MAML2: variants seen among roughly 807,000 people sequenced by gnomAD.
The protein encoded by MAML2 is mastermind like transcriptional coactivator 2.
MAML2 carries 22 observed loss-of-function variants against 96.1 expected under a neutral mutation model. The ratio of observed to expected loss-of-function variants is 0.23; its 90% CI spans 0.16 to 0.33. The LOEUF is 0.33. Ranked by LOEUF, MAML2 falls within the 10% of genes least tolerant of loss-of-function variation. MAML2 has a pLI of 1.00. For synonymous variants in MAML2, 561 were observed against 521.3 expected (o/e 1.08, Z -1.04); for missense variants, 1,367 against 1,392.4 (o/e 0.98, Z 0.29).
Position 96,287,601 on chromosome 11 carries a change from A to G in MAML2, c.513+53782T>C, listed in dbSNP as rs12416767. On this transcript the variant is annotated intron_variant, in intron 1 of 4. Coordinates refer to ENST00000524717, the MANE Select transcript of MAML2 (RefSeq NM_032427.4). Reference sequence around the variant, plus strand: ...CTTGTCTTTAGTTTTAAAAAAATTAAGAGTAGAATTGGTAAATACAATATT... The same window carrying G: ...CTTGTCTTTAGTTTTAAAAAAATTAGGAGTAGAATTGGTAAATACAATATT... Among the ~76,000 whole-genome samples, 573 of 152,340 alleles carry G rather than the reference A, an allele frequency of 3.8e-3. 9 individuals carry two copies. The highest frequency in any genetic ancestry group is 0.033 in the Admixed American group (503 of 15,296).
At chr11:96,047,118 G>A (rs1235999538) in intron 2 of MAML2, among the ~76,000 whole-genome samples, 1 of 152,032 alleles carries the variant, frequency 6.6e-6, no homozygotes, top group Non-Finnish European at 1.5e-5. Flanking sequence ...GTTGTTCCTG[G>A]CCACTCAGTT....
intron 1 of MAML2, among the ~76,000 whole-genome samples, chr11:96,323,973 G>A (rs1033216576): frequency 6.6e-6 from 1 of 152,230 alleles, no homozygotes; most frequent in African/African-American, 2.4e-5. Context: ...GTCTCAAAGA[G>A]TAATCTGTGG....
intron 2 of MAML2, among the ~76,000 whole-genome samples, chr11:95,993,082 A>T (rs1197993282): frequency 1.3e-5 from 2 of 149,144 alleles, no homozygotes; most frequent in Non-Finnish European, 3.0e-5. Flanking sequence ...GCTAATTTTT[A>T]AATTTTTTTT....
At chr11:96,175,582 CTTTTG>C (rs1345547394) in intron 1 of MAML2, among the ~76,000 whole-genome samples, 2 of 152,034 alleles carry the variant, frequency 1.3e-5, no homozygotes, top group East Asian at 1.9e-4. Context: ...AATCTCAGTT[CTTTTG>C]TTTTGTTTTG....
chr11:96,054,582 CAG>C (rs1040252810), intron 2 of MAML2, among the ~76,000 whole-genome samples: 5 of 152,086 alleles, frequency 3.3e-5, no homozygotes, highest in African/African-American at 1.2e-4. Flanking sequence ...AAGGGTCCCT[CAG>C]AGAGAGAGAA....
At chr11:96,059,000 T>C (rs1859113313) in intron 2 of MAML2, among the ~76,000 whole-genome samples, 2 of 152,168 alleles carry the variant, frequency 1.3e-5, no homozygotes. Flanking sequence ...GAGAATTGCT[T>C]GAACCCGGGA....
intron 2 of MAML2, among the ~76,000 whole-genome samples, chr11:96,018,284 T>C (rs1304033878): frequency 1.3e-5 from 2 of 152,138 alleles, no homozygotes; most frequent in Non-Finnish European, 2.9e-5. Context: ...TTTGAGATGC[T>C]TATTACACAT....
intron 1 of MAML2, among the ~76,000 whole-genome samples, chr11:96,326,532 C>G (rs1378131594): frequency 6.6e-6 from 1 of 152,088 alleles, no homozygotes; most frequent in Non-Finnish European, 1.5e-5. Context: ...TGCGGTGGCT[C>G]ATGCCTGTAA....
chr11:96,129,982 A>C (rs1372287956), intron 1 of MAML2, among the ~76,000 whole-genome samples: 2 of 152,270 alleles, frequency 1.3e-5, no homozygotes, highest in Non-Finnish European at 2.9e-5. Context: ...ACCATCTTGC[A>C]GCTGAGTACA....
intron 2 of MAML2, among the ~76,000 whole-genome samples, chr11:96,048,122 G>A (rs1257602916): frequency 6.6e-6 from 1 of 151,976 alleles, no homozygotes; most frequent in Non-Finnish European, 1.5e-5. Context: ...TGCTCTGTTT[G>A]GACAGCCAGT....
intron 2 of MAML2, among the ~76,000 whole-genome samples, chr11:96,002,746 GGATGATGAGGAGGATGATGA>G (rs1858105235): frequency 2.1e-5 from 3 of 143,060 alleles, no homozygotes; most frequent in East Asian, 4.4e-4. Flanking sequence ...AAGATGATCG[GGATGATGAGGAGGATGATGA>G]GGATGATGAG....
chr11:96,062,676 C>T (rs1859183130), intron 2 of MAML2, among the ~76,000 whole-genome samples: 1 of 152,206 alleles, frequency 6.6e-6, no homozygotes, highest in Admixed American at 6.5e-5. Flanking sequence ...GGCAGCGCCC[C>T]TTCCCACCAG....
chr11:96,013,352 C>A (rs1179192757), intron 2 of MAML2, among the ~76,000 whole-genome samples: 1 of 152,184 alleles, frequency 6.6e-6, no homozygotes, highest in Non-Finnish European at 1.5e-5. Flanking sequence ...TAGATTATAA[C>A]TAGTCCATCT....
rs932810539 is a variant in MAML2 at position 96,270,089 on chromosome 11, G to A, written c.513+71294C>T. ...GCTAAGACTTGACATCCAAAACTGA[G>A]CTCTTGATCTTTTCCTCAAAACTCA... On this transcript the variant is annotated intron_variant, in intron 1 of 4. Transcript: ENST00000524717. 4.9e-5 allele frequency among the ~76,000 whole-genome samples: 7 copies of A among 143,748 alleles called. 2 individuals are homozygous for A. Among genetic ancestry groups the A allele is most frequent in the African/African-American group, 1.9e-4 (7 of 37,452 alleles). The allele number at this position is 143,748 out of a possible 152,430, so 94.3% of individuals were successfully genotyped here. A position where few individuals can be genotyped will look rare whatever the true frequency, so the allele number is the denominator to read the frequency against.
intron 1 of MAML2, among the ~76,000 whole-genome samples, chr11:96,145,674 G>T (rs1591038289): frequency 2.0e-5 from 3 of 152,294 alleles, no homozygotes; most frequent in Admixed American, 1.3e-4. Context: ...TTATTAAAGG[G>T]ACTGTCCTGA....
rs544325926 is a variant in MAML2, at chr11:96,157,560, G to A, written c.514-64043C>T. 9.2e-5 allele frequency among the ~76,000 whole-genome samples: 14 copies of A among 152,334 alleles called. No individual in the cohort carries two copies. The South Asian group carries it at 1.0e-3, about 11-fold the overall frequency. ...TCACTGGCAAGAATAACATGCTCAT[G>A]GAGTATGCATGAAAATCATTAGAAA... On this transcript the variant is annotated intron_variant, in intron 1 of 4. Transcript: ENST00000524717.
chr11:96,316,672 GC>G (rs1445327511), intron 1 of MAML2, among the ~76,000 whole-genome samples: 3 of 152,202 alleles, frequency 2.0e-5, no homozygotes, highest in African/African-American at 7.2e-5. Context: ...TGCGTAAGGG[GC>G]CTGGATTTTA....
chr11:96,329,087 G>GT (rs984134722), intron 1 of MAML2, among the ~76,000 whole-genome samples: 4 of 151,360 alleles, frequency 2.6e-5, no homozygotes, highest in African/African-American at 7.3e-5. Context: ...TTTCCTTTTT[G>GT]TTTTTTTTAA....
At chr11:96,143,141 C>A (rs537945807) in intron 1 of MAML2, among the ~76,000 whole-genome samples, 1 of 152,314 alleles carries the variant, frequency 6.6e-6, no homozygotes, top group Admixed American at 6.5e-5. Flanking sequence ...GGCTTGAATA[C>A]AACACAGCAG....
Sources: allele counts gnomAD v4.1 joint callset (sites outside exome capture counted in the v4.1 genomes callset), GRCh38; gene constraint gnomAD v4.1.1; transcripts MANE v1.5; gene names NCBI Gene and HGNC (gene_info 2026-07-23, HGNC 2026-07-21).